SVEP1: variants seen among roughly 807,000 people sequenced by gnomAD.
The protein encoded by SVEP1 is sushi, von Willebrand factor type A, EGF and pentraxin domain-containing protein 1.
Under a neutral mutation model 367.3 loss-of-function variants are expected in SVEP1, and 164 were observed. The ratio of observed to expected loss-of-function variants is 0.45; its 90% confidence interval spans 0.39 to 0.51. The LOEUF (loss-of-function observed/expected upper bound fraction) is 0.51, where lower values mean the gene tolerates loss of function less well. Among genes scored for constraint, SVEP1 ranks in the 20% least tolerant of loss-of-function variants. SVEP1 has a pLI of 0.00. For synonymous variants in SVEP1, 1,666 were observed against 1,611.6 expected, an observed-to-expected ratio of 1.03 and a Z score of -0.81; for missense variants, 4,117 against 4,425.3, an observed-to-expected ratio of 0.93 and a Z score of 1.98.
At chr9:110,434,688 C>CAAAAAAAAAAAAAAAAAAAAAAAAAAAAA (rs1356481750) in intron 29 of SVEP1, among the ~76,000 whole-genome samples, 182 bp from the exon 30 acceptor site, 3 of 23,526 alleles carry the variant, frequency 1.3e-4, no homozygotes, top group Admixed American at 3.4e-4. Flanking sequence ...AAAAAAAAAG[C>CAAAAAAAAAAAAAAAAAAAAAAAAAAAAA]ATTTAAGTCA....
At chr9:110,493,006 A>G (rs1319044358) in intron 8 of SVEP1, among the ~76,000 whole-genome samples, 1 of 152,060 alleles carries the variant, frequency 6.6e-6, no homozygotes, top group Non-Finnish European at 1.5e-5. Flanking sequence ...TGTTCTGAAA[A>G]TGTGTCAGCC....
At chr9:110,385,849 A>AAAAC in intron 43 of SVEP1, 49 bp downstream of exon 43, 1 of 1,571,256 alleles carries the variant, frequency 6.4e-7, no homozygotes, top group Non-Finnish European at 8.6e-7. Flanking sequence ...CAGGGATGGG[A>AAAAC]AAACATTTCG....
intron 1 of SVEP1, among the ~76,000 whole-genome samples, chr9:110,566,780 A>G (rs1416408257): frequency 6.6e-6 from 1 of 152,214 alleles, no homozygotes; most frequent in Non-Finnish European, 1.5e-5. Flanking sequence ...TGTGACAGCG[A>G]TATGGAGAGA....
chr9:110,371,853 TCCCGC>T (rs879403145), intron 46 of SVEP1, among the ~76,000 whole-genome samples: 2,401 of 152,334 alleles, frequency 0.016, no homozygotes, highest in African/African-American at 0.055. Context: ...GCTTTTACAA[TCCCGC>T]AATGAATCTC....
At chr9:110,471,324 G>C in intron 16 of SVEP1, 40 bp downstream of exon 16, 2 of 1,545,122 alleles carry the variant, frequency 1.3e-6, no homozygotes, top group Non-Finnish European at 1.8e-6. Context: ...ATTTGACCCA[G>C]TATGCACCAA....
At chr9:110,499,274 TC>T in intron 6 of SVEP1, 36 bp from the exon 7 acceptor site, 1 of 1,563,560 alleles carries the variant, frequency 6.4e-7, no homozygotes, top group Non-Finnish European at 8.7e-7. Context: ...TTATTTGTGT[TC>T]CCACAAATTG....
At chr9:110,402,617 T>G (rs1827881470) in intron 39 of SVEP1, among the ~76,000 whole-genome samples, 1 of 152,216 alleles carries the variant, frequency 6.6e-6, no homozygotes, top group South Asian at 2.1e-4. Context: ...AGTATCTTTT[T>G]TAGCCAGTAT....
At chr9:110,386,564 TC>T (rs1214554626) in intron 42 of SVEP1, among the ~76,000 whole-genome samples, 3 of 152,070 alleles carry the variant, frequency 2.0e-5, no homozygotes, top group African/African-American at 7.3e-5. Flanking sequence ...GACTTTAGAC[TC>T]ATACTGCTAT....
chr9:110,448,142 TGTGTGTGC>T (rs928077249), intron 24 of SVEP1, among the ~76,000 whole-genome samples: 1 of 68,878 alleles, frequency 1.5e-5, no homozygotes, highest in Non-Finnish European at 2.8e-5. Context: ...TGTGTGTGTG[TGTGTGTGC>T]GCGTGTGTGT....
intron 43 of SVEP1, among the ~76,000 whole-genome samples, chr9:110,384,834 T>C (rs542768800): frequency 1.3e-5 from 2 of 152,320 alleles, no homozygotes; most frequent in East Asian, 3.9e-4. Flanking sequence ...ATGAAGACCA[T>C]TGTAGGCATG....
chr9:110,503,699 C>T (rs1345812384), intron 5 of SVEP1, among the ~76,000 whole-genome samples: 1 of 152,212 alleles, frequency 6.6e-6, no homozygotes, highest in African/African-American at 2.4e-5. Flanking sequence ...CAAAGCTACC[C>T]AACTTCTGCC....
intron 12 of SVEP1, 60 bp from the exon 13 acceptor site, chr9:110,479,816 C>A: frequency 1.3e-6 from 2 of 1,564,182 alleles, no homozygotes; most frequent in Non-Finnish European, 1.7e-6. Context: ...AAAGATTTGA[C>A]TTTCTATGAA....
At chr9:110,491,220 C>A (rs1223560783) in intron 8 of SVEP1, among the ~76,000 whole-genome samples, 1 of 151,658 alleles carries the variant, frequency 6.6e-6, no homozygotes, top group East Asian at 1.9e-4. Flanking sequence ...TCTTATTATT[C>A]TTTTCAATAC....
intron 36 of SVEP1, among the ~76,000 whole-genome samples, chr9:110,413,991 C>G (rs976055391): frequency 2.0e-5 from 3 of 152,060 alleles, no homozygotes; most frequent in Non-Finnish European, 4.4e-5. Context: ...TGAAGTCACA[C>G]AGCTGTAAGC....
At chr9:110,425,737 A>G (rs1828244329) in intron 36 of SVEP1, among the ~76,000 whole-genome samples, 1 of 152,204 alleles carries the variant, frequency 6.6e-6, no homozygotes, top group Non-Finnish European at 1.5e-5. Context: ...TAAGTGAACA[A>G]TTTGTGAGGA....
intron 40 of SVEP1, among the ~76,000 whole-genome samples, chr9:110,390,111 A>ATATATGCAAG (rs1554710713): frequency 2.0e-5 from 2 of 100,850 alleles, no homozygotes; most frequent in Admixed American, 1.2e-4. Flanking sequence ...TTATATAAGT[A>ATATATGCAAG]TATATACATA....
Position 110,427,739 on chromosome 9 carries a change from T to C in SVEP1, c.5827A>G (p.Ile1943Val). 6.2e-7 allele frequency: 1 copy of C among 1,612,896 alleles called. No individual in the cohort carries two copies. The highest frequency in any genetic ancestry group is 8.5e-7 in the Non-Finnish European group (1 of 1,179,398). Residue 1943 changes from isoleucine to valine, a missense_variant, in exon 36 of 48, where the codon ATT (isoleucine) becomes GTT (valine). Transcript: ENST00000374469. ...CAGATGCCAGAAGCCGTGCATTCAA[T>C]AATGGAAGGGCCCTGTAAGCTGCGG... is the stretch of plus-strand genomic sequence containing the variant. Reference protein sequence around the residue: ...TGYSLQGPSIIECTASGIWDR... With the variant: ...TGYSLQGPSIVECTASGIWDR...
chr9:110,456,368 C>A (rs1588062358), intron 21 of SVEP1, among the ~76,000 whole-genome samples: 1 of 152,104 alleles, frequency 6.6e-6, no homozygotes, highest in African/African-American at 2.4e-5. Flanking sequence ...TATATTATAC[C>A]CTTTCTCAAC....
Position 110,376,916 on chromosome 9 carries a change from C to T in SVEP1, c.10504+355G>A, listed in dbSNP as rs937682427. The T allele has an allele frequency of 5.2e-5, 9 of 172,296 alleles. No individual in the cohort carries two copies. The East Asian group carries it at 6.0e-4, about 12-fold the overall frequency. 10.7% of individuals were successfully genotyped at this position (172,296 alleles called of 1,614,324 possible). A position where few individuals can be genotyped will look rare whatever the true frequency, so the allele number is the denominator to read the frequency against. The stretch of plus-strand genomic sequence containing the variant: ...AAAGTACATGTTTTGCAGTGGTGCA[C>T]GTTTATACCAACTGCAGCAATGACT... On this transcript the variant is annotated intron_variant, in intron 45 of 47. Coordinates refer to ENST00000374469, the MANE Select transcript of SVEP1 (RefSeq NM_153366.4).
Sources: allele counts gnomAD v4.1 joint callset (sites outside exome capture counted in the v4.1 genomes callset), GRCh38; gene constraint gnomAD v4.1.1; transcripts MANE v1.5; gene names NCBI Gene and HGNC (gene_info 2026-07-23, HGNC 2026-07-21).